Variants in LRTM3 observed in about 807,000 individuals in gnomAD.
LRTM3 encodes the protein leucine-rich repeat transmembrane protein 3.
chr13:102,731,091 G>A, the LRTM3 span: 4 of 1,551,340 alleles, frequency 2.6e-6, no homozygotes, highest in South Asian at 4.8e-5. Flanking sequence ...TGGAGGGTAT[G>A]AGGCAATAGC....
At chr13:102,742,203 T>C in the LRTM3 span, 1 of 1,550,612 alleles carries the variant, frequency 6.4e-7, no homozygotes, top group Non-Finnish European at 8.7e-7. Context: ...TGCTGCTGGA[T>C]GTTACCTCTC....
chr13:102,739,389 A>G, the LRTM3 span: 5 of 1,550,298 alleles, frequency 3.2e-6, no homozygotes, highest in East Asian at 2.4e-5. Flanking sequence ...GACTCTGCAG[A>G]TGATACTCTT....
the LRTM3 span, chr13:102,735,070 G>T: frequency 6.4e-7 from 1 of 1,551,134 alleles, no homozygotes. Flanking sequence ...GGTGAAGTGG[G>T]GAGGATCTAG....
At chr13:102,734,546 G>T in the LRTM3 span, 1 of 1,551,250 alleles carries the variant, frequency 6.4e-7, no homozygotes, top group Admixed American at 2.0e-5. Context: ...TGACTTCAAA[G>T]TTATATCTGT....
chr13:102,736,342 T>C, the LRTM3 span: 1 of 1,551,114 alleles, frequency 6.4e-7, no homozygotes, highest in Non-Finnish European at 8.7e-7. Context: ...TGAACACTTG[T>C]GGAGGTGCTG....
At chr13:102,738,926 T>C in the LRTM3 span, 1 of 1,550,752 alleles carries the variant, frequency 6.4e-7, no homozygotes, top group Non-Finnish European at 8.7e-7. Context: ...CAAAGCCTTT[T>C]CCACTCTGTC....
chr13:102,758,227 T>A, the LRTM3 span, among the ~76,000 whole-genome samples: 1 of 152,212 alleles, frequency 6.6e-6, no homozygotes, highest in East Asian at 1.9e-4. Flanking sequence ...TTCAATAATA[T>A]ACGAAAAGTC....
the LRTM3 span, chr13:102,731,341 T>C: frequency 9.7e-6 from 15 of 1,551,388 alleles, no homozygotes; most frequent in Admixed American, 2.0e-5. Context: ...TGTTATCTTT[T>C]GAAATAGTCC....
the LRTM3 span, chr13:102,745,491 T>G: frequency 6.4e-7 from 1 of 1,550,990 alleles, no homozygotes; most frequent in Non-Finnish European, 8.7e-7. Flanking sequence ...AAGTTACAGC[T>G]CAGTTCTTTT....
the LRTM3 span, chr13:102,735,159 A>G: frequency 6.4e-7 from 1 of 1,551,280 alleles, no homozygotes; most frequent in Non-Finnish European, 8.7e-7. Context: ...CTAGTTTTCC[A>G]CTGAAGATCA....
the LRTM3 span, chr13:102,748,533 A>G: frequency 1.9e-6 from 3 of 1,550,670 alleles, no homozygotes; most frequent in Non-Finnish European, 2.6e-6. Flanking sequence ...GAATTTTCTG[A>G]ACTTTGTAGG....
At chr13:102,758,547 T>A in the LRTM3 span, 2 of 1,547,298 alleles carry the variant, frequency 1.3e-6, no homozygotes, top group South Asian at 2.4e-5. Flanking sequence ...ACTTACCAAG[T>A]TTCCTGCTTT....
chr13:102,736,044 T>C, the LRTM3 span: 27 of 1,548,312 alleles, frequency 1.7e-5, no homozygotes, highest in Non-Finnish European at 1.9e-5. Flanking sequence ...ATTTTTACTC[T>C]GTCCTTTGCC....
chr13:102,743,109 T>C, the LRTM3 span: 10 of 1,550,376 alleles, frequency 6.5e-6, no homozygotes, highest in Non-Finnish European at 8.7e-6. Context: ...GCCATGAAGT[T>C]TTCTGCATAG....
chr13:102,737,414 G>C, the LRTM3 span: 3 of 1,550,662 alleles, frequency 1.9e-6, no homozygotes, highest in Non-Finnish European at 2.6e-6. Context: ...GAAGAGAACT[G>C]TTTCCTGTTT....
At chr13:102,739,325 T>G in the LRTM3 span, 1 of 1,549,442 alleles carries the variant, frequency 6.5e-7, no homozygotes, top group Non-Finnish European at 8.7e-7. Context: ...TTCCTTCTTT[T>G]TCTGTGGAAA....
chr13:102,747,123 T>A, the LRTM3 span: 3 of 1,550,924 alleles, frequency 1.9e-6, no homozygotes, highest in Non-Finnish European at 2.6e-6. Context: ...TCTAGTGTGT[T>A]TTGGGATTCA....
At chr13:102,736,111 T>A in the LRTM3 span, 3 of 1,541,540 alleles carry the variant, frequency 1.9e-6, 1 homozygote, top group South Asian at 3.6e-5. Context: ...AGCTAATACC[T>A]TCATTTGAAT....
At chr13:102,743,445 T>G in the LRTM3 span, 1 of 1,550,530 alleles carries the variant, frequency 6.4e-7, no homozygotes, top group Non-Finnish European at 8.7e-7. Context: ...TCAAGTTTCT[T>G]CCTATGTTTT....
Sources: gnomAD v4.1 joint callset for allele counts (sites outside exome capture counted in the v4.1 genomes callset) on GRCh38, gnomAD v4.1.1 for gene constraint, MANE v1.5 for transcripts, NCBI Gene and HGNC (gene_info 2026-07-23, HGNC 2026-07-21) for gene names.